Variants in CCNB2 observed in about 807,000 individuals in gnomAD.
CCNB2 encodes the protein G2/mitotic-specific cyclin-B2.
In CCNB2, 39 loss-of-function variants were observed where a neutral mutation model predicts 51.1. The observed-to-expected ratio is 0.76, with a 90% CI of 0.59 to 1.00. CCNB2 has a LOEUF of 1.00. Among genes scored for constraint, CCNB2 ranks in the 50% least tolerant of loss-of-function variants. The pLI is 0.00. For synonymous variants in CCNB2, 174 were observed against 165.5 expected (o/e 1.05, Z -0.40); for missense variants, 472 against 470.3 (o/e 1.00, Z -0.03).
intron 7 of CCNB2, among the ~76,000 whole-genome samples, chr15:59,118,337 G>C (rs1222297211): frequency 6.6e-6 from 1 of 152,198 alleles, no homozygotes; most frequent in African/African-American, 2.4e-5. Context: ...CAGTCTTCTA[G>C]TCTGCAGTTA....
intron 7 of CCNB2, among the ~76,000 whole-genome samples, chr15:59,122,239 A>ATTTTTTTTTTTTTT (rs1330208146): frequency 1.0e-5 from 1 of 97,442 alleles, no homozygotes; most frequent in African/African-American, 4.0e-5. Context: ...CAGTTGACAT[A>ATTTTTTTTTTTTTT]TCTTTTTTTT....
chr15:59,114,724 C>T lies in CCNB2; in HGVS notation c.445C>T (p.Gln149Ter), dbSNP rs2079271602. ...CTTTTGATTCTACCCACAGGTTTTG[C>T]AGTCCATAAACCCACATTTCTTAGA... ...YQYLRQLEVL[Q>*]SINPHFLDGR... Residue 149 changes from glutamine (Q) to a stop codon, truncating the protein, a stop_gained, in exon 5 of 9, where the codon CAG (glutamine) becomes TAG (stop). Transcript: ENST00000288207. LOFTEE classifies it high-confidence loss of function. 1.9e-6 allele frequency: 3 copies of T among 1,607,158 alleles called. No individual in the cohort carries two copies. The highest frequency in any genetic ancestry group is 2.6e-6 in the Non-Finnish European group (3 of 1,174,996).
intron 7 of CCNB2, among the ~76,000 whole-genome samples, chr15:59,118,418 C>T (rs2079287947): frequency 6.6e-6 from 1 of 152,218 alleles, no homozygotes; most frequent in Admixed American, 6.5e-5. Context: ...GGCCGGGTGC[C>T]ATGCCAGTAA....
chr15:59,121,931 CAAAAAAAAAAAA>C (rs3052992), intron 7 of CCNB2, among the ~76,000 whole-genome samples: 31 of 14,104 alleles, frequency 2.2e-3, no homozygotes, highest in African/African-American at 3.9e-3. Flanking sequence ...GACTCTGTCT[CAAAAAAAAAAAA>C]AAAAAAAAAA....
intron 4 of CCNB2, 47 bp downstream of exon 4, chr15:59,114,661 C>T (rs2079271181): frequency 6.3e-7 from 1 of 1,586,944 alleles, no homozygotes; most frequent in African/African-American, 1.4e-5. Flanking sequence ...GTGGAATTTA[C>T]CACACAGCTG....
At chr15:59,117,519 A>G in intron 7 of CCNB2, 151 bp downstream of exon 7, 1 of 789,162 alleles carries the variant, frequency 1.3e-6, no homozygotes, top group Non-Finnish European at 2.0e-6. Context: ...CGTAGGCTGG[A>G]GTGTGGTGGT....
intron 7 of CCNB2, among the ~76,000 whole-genome samples, chr15:59,120,011 G>A (rs1346189454): frequency 1.3e-5 from 2 of 152,112 alleles, no homozygotes; most frequent in African/African-American, 4.8e-5. Flanking sequence ...CCTGGCCTAA[G>A]AGAGAAAATA....
intron 5 of CCNB2, chr15:59,115,792 A>G (rs1386497002): frequency 5.9e-5 from 9 of 152,140 alleles, no homozygotes; most frequent in African/African-American, 2.2e-4. Flanking sequence ...GTGCAGTGAC[A>G]CAATCTGGGC....
chr15:59,113,121 CATA>C (rs769595773), intron 3 of CCNB2, among the ~76,000 whole-genome samples: 2 of 152,008 alleles, frequency 1.3e-5, no homozygotes, highest in Non-Finnish European at 2.9e-5. Flanking sequence ...TTTTAATTTG[CATA>C]ATTTTTATAA....
In CCNB2 at chr15:59,105,169, C is replaced by G. The variant is rs906178915; in HGVS notation, c.-100C>G. ...TCGAAGATCCCCAGCGCTGCGGGCT[C>G]GGAGAGCAGTCCTAACGGCGCCTCG... On this transcript the variant is annotated 5_prime_UTR_variant, in exon 1 of 9. Transcript: ENST00000288207. The G allele has an allele frequency of 6.2e-6, 7 of 1,122,674 alleles. No individual in the cohort carries two copies. Among genetic ancestry groups the G allele is most frequent in the African/African-American group, 1.6e-5 (1 of 64,488 alleles). 69.5% of individuals were successfully genotyped at this position (1,122,674 alleles called of 1,614,324 possible).
Position 59,124,735 on chromosome 15 carries a change from G to A in CCNB2, c.1087-32G>A, listed in dbSNP as rs370967998. 5.5e-5 allele frequency: 80 copies of A among 1,462,680 alleles called. No individual in the cohort carries two copies. In the African/African-American group the frequency reaches 9.3e-4, roughly 17 times the overall value. The allele number at this position is 1,462,680 out of a possible 1,614,324, so 90.6% of individuals were successfully genotyped here. A position where few individuals can be genotyped will look rare whatever the true frequency, so the allele number is the denominator to read the frequency against. ...GAATAAGGTATCATTGGGGGTTCCT[G>A]ACATGTGCTTAATCACAAATGACTT... On this transcript the variant is annotated intron_variant, in intron 8 of 8. Coordinates refer to ENST00000288207, the MANE Select transcript of CCNB2 (RefSeq NM_004701.4).
intron 3 of CCNB2, 64 bp from the exon 4 acceptor site, chr15:59,114,380 A>G (rs1484688363): frequency 8.0e-7 from 1 of 1,255,516 alleles, no homozygotes; most frequent in Non-Finnish European, 1.1e-6. Context: ...TATTTAAGCC[A>G]GTTGGCTCTG....
chr15:59,123,690 G>GT lies in CCNB2; in HGVS notation c.1086+63_1086+64insT, dbSNP rs202196161. On this transcript the variant is annotated intron_variant, in intron 8 of 8. Coordinates refer to ENST00000288207, the MANE Select transcript of CCNB2 (RefSeq NM_004701.4). The stretch of plus-strand genomic sequence containing the variant: ...AGGTTCTGGGTTTTGTGTGTATGTT[G>GT]GGCGGGGGGGGGCGGTGTGTGCCGT... The GT allele has an allele frequency of 1.5e-3, 1,156 of 777,752 alleles. 31 individuals are homozygous for GT. In the African/African-American group the frequency reaches 0.024, roughly 16 times the overall value. The allele number at this position is 777,752 out of a possible 1,614,324, so 48.2% of individuals were successfully genotyped here. A position where few individuals can be genotyped will look rare whatever the true frequency, so the allele number is the denominator to read the frequency against.
At chr15:59,105,583 A>G (rs888106548) in intron 1 of CCNB2, among the ~76,000 whole-genome samples, 2 of 152,202 alleles carry the variant, frequency 1.3e-5, no homozygotes. Context: ...CACTAGGCCT[A>G]GTACTCAGCG....
Position 59,114,306 on chromosome 15 carries a change from A to ATAGTATT in CCNB2, c.268-137_268-136insAGTATTT, listed in dbSNP as rs2079269186. The ATAGTATT allele has an allele frequency of 5.0e-6, 3 of 603,756 alleles. No individual in the cohort carries two copies. In the Admixed American group the frequency reaches 1.0e-4, roughly 21 times the overall value. The allele number at this position is 603,756 out of a possible 1,614,324, so 37.4% of individuals were successfully genotyped here. A position where few individuals can be genotyped will look rare whatever the true frequency, so the allele number is the denominator to read the frequency against. On this transcript the variant is annotated intron_variant, in intron 3 of 8. Transcript: ENST00000288207. ...AACTTCACATACTATATCTTGAATT[A>ATAGTATT]TTCACCTCTTGGTATGAAATTTGTT...
At chr15:59,109,553 A>G (rs889936414) in intron 3 of CCNB2, among the ~76,000 whole-genome samples, 2 of 152,234 alleles carry the variant, frequency 1.3e-5, no homozygotes, top group Non-Finnish European at 2.9e-5. Context: ...CATTAAGTGG[A>G]AAAATCAGAT....
At position 59,107,378 on chromosome 15, in the gene CCNB2, T is replaced by C. The variant is rs151299700; in HGVS notation, c.81T>C (p.His27=). ...DTGVNSKVKS[H]VTIRRTVLEE... ...GAGTTAATTCTAAAGTTAAGAGTCATGTGACTATTAGGCGAACTGTTTTAG... is the reference window on the plus strand; with the variant it reads ...GAGTTAATTCTAAAGTTAAGAGTCACGTGACTATTAGGCGAACTGTTTTAG... Residue 27 remains histidine (H), a synonymous_variant, in exon 2 of 9, where the codon CAT becomes CAC. Transcript: ENST00000288207. 2.5e-6 allele frequency: 4 copies of C among 1,612,554 alleles called. No individual in the cohort carries two copies. Among genetic ancestry groups the C allele is most frequent in the Non-Finnish European group, 3.4e-6 (4 of 1,178,956 alleles).
chr15:59,112,041 G>A (rs1200367430), intron 3 of CCNB2, among the ~76,000 whole-genome samples: 4 of 151,752 alleles, frequency 2.6e-5, no homozygotes, highest in Admixed American at 6.6e-5. Flanking sequence ...TTGTAGAGGC[G>A]AGGTTTTGCC....
chr15:59,114,677 CA>C (rs2079271344), intron 4 of CCNB2, 40 bp from the exon 5 acceptor site: 3 of 1,590,256 alleles, frequency 1.9e-6, no homozygotes, highest in Non-Finnish European at 2.6e-6. Flanking sequence ...AGCTGGGAAG[CA>C]AACAAGGTCA....
Sources: allele counts gnomAD v4.1 joint callset (sites outside exome capture counted in the v4.1 genomes callset), GRCh38; gene constraint gnomAD v4.1.1; transcripts MANE v1.5; gene names NCBI Gene and HGNC (gene_info 2026-07-23, HGNC 2026-07-21).